Variants in DCP1B observed in about 807,000 individuals in gnomAD.
The protein encoded by DCP1B is decapping mRNA 1B, also known as mRNA-decapping enzyme 1B.
Under a neutral mutation model 60.5 loss-of-function variants are expected in DCP1B, and 47 were observed. The observed-to-expected ratio is 0.78, with a 90% confidence interval of 0.61 to 0.99. The LOEUF (loss-of-function observed/expected upper bound fraction) is 0.99, where lower values mean the gene tolerates loss of function less well. Ranked by LOEUF, DCP1B falls within the 50% of genes least tolerant of loss-of-function variation. The pLI is 0.00. For missense variants in DCP1B, 725 were observed against 756.8 expected, an observed-to-expected ratio of 0.96 and a Z score of 0.49; for synonymous variants, 267 against 280.3, an observed-to-expected ratio of 0.95 and a Z score of 0.47.
At position 1,948,971 on chromosome 12, in the gene DCP1B, C is replaced by T. The variant is rs1323049456; in HGVS notation, c.1773+115G>A. ...TGGGGTCAGGATGAGTTGTTACACACACCTGTTATTCTCACGGAAGCTAAG... is the reference window on the plus strand; with the variant it reads ...TGGGGTCAGGATGAGTTGTTACACATACCTGTTATTCTCACGGAAGCTAAG... On this transcript the variant is annotated intron_variant, in intron 8 of 8. Coordinates refer to ENST00000280665, the MANE Select transcript of DCP1B (RefSeq NM_152640.5). This position sits in a 1 kb window ranked among gnomAD's most constrained non-coding sequence, Gnocchi z 4.8. 11 of 1,377,274 alleles carry T rather than the reference C, an allele frequency of 8.0e-6. No individual in the cohort carries two copies. The highest frequency in any genetic ancestry group is 2.9e-5 in the African/African-American group (2 of 69,452). 85.3% of individuals were successfully genotyped at this position (1,377,274 alleles called of 1,614,324 possible).
At chr12:1,944,715 A>G (rs1173974934), downstream of DCP1B, among the ~76,000 whole-genome samples, 2 of 152,236 alleles carry the variant, frequency 1.3e-5, no homozygotes, top group African/African-American at 2.4e-5. Flanking sequence ...TGGTGTTGGG[A>G]AAACTGGCTA....
chr12:1,994,152 T>C (rs1485986157), intron 2 of DCP1B, among the ~76,000 whole-genome samples: 1 of 152,218 alleles, frequency 6.6e-6, no homozygotes, highest in East Asian at 1.9e-4. Context: ...AACAACTACA[T>C]GTGCATTCAT....
chr12:1,995,649 G>A (rs2040619273), intron 2 of DCP1B, among the ~76,000 whole-genome samples: 1 of 152,172 alleles, frequency 6.6e-6, no homozygotes, highest in African/African-American at 2.4e-5. Context: ...CTCCTGCCCA[G>A]CATACACAGA....
At chr12:2,002,518 T>C (rs2042403840) in intron 1 of DCP1B, among the ~76,000 whole-genome samples, 1 of 152,240 alleles carries the variant, frequency 6.6e-6, no homozygotes, top group Non-Finnish European at 1.5e-5. Context: ...ACATCTGCTT[T>C]TTGATGAGGC....
intron 6 of DCP1B, among the ~76,000 whole-genome samples, chr12:1,953,662 A>G (rs1451724502): frequency 1.3e-5 from 2 of 152,236 alleles, no homozygotes; most frequent in Non-Finnish European, 2.9e-5. Context: ...TAATATGAGA[A>G]TACAAAGGAA....
intron 2 of DCP1B, among the ~76,000 whole-genome samples, chr12:1,996,656 C>CAAAA (rs1349356918): frequency 1.8e-5 from 1 of 54,606 alleles, no homozygotes; most frequent in Admixed American, 2.5e-4. Flanking sequence ...AAAAAAAAAA[C>CAAAA]AACAAACTCT....
At chr12:1,965,950 A>C in intron 4 of DCP1B, 1 of 393,380 alleles carries the variant, frequency 2.5e-6, no homozygotes, top group Non-Finnish European at 4.5e-6. Flanking sequence ...AGAAAGTCAC[A>C]AACACAGCCA....
chr12:1,946,207 C>A lies in DCP1B; in HGVS notation c.1853G>T (p.Ter618LeuextTer23). Residue 618 changes from the stop codon to leucine, a stop_lost, in exon 9 of 9, where the codon TGA becomes TTA. Coordinates refer to ENST00000280665, the MANE Select transcript of DCP1B (RefSeq NM_152640.5). ...AATCAGTTTTAAAAGGCCTTGCTGTCACATAGTCTTTTTCATGGCTGCTTG... is the reference window on the plus strand; with the variant it reads ...AATCAGTTTTAAAAGGCCTTGCTGTAACATAGTCTTTTTCATGGCTGCTTG... Reference protein sequence around the residue: ...MTQAAMKKTM* With the variant: ...MTQAAMKKTML 1 of 1,594,460 alleles carries A rather than the reference C, an allele frequency of 6.3e-7. No homozygotes were observed. The highest frequency in any genetic ancestry group is 1.2e-5 in the South Asian group (1 of 85,990).
chr12:1,993,814 C>G (rs918640573), intron 2 of DCP1B, among the ~76,000 whole-genome samples: 3 of 151,960 alleles, frequency 2.0e-5, no homozygotes, highest in African/African-American at 4.8e-5. Flanking sequence ...TTAGAGTGTA[C>G]ATCACAATTA....
At chr12:1,965,745 C>T in intron 4 of DCP1B, 52 bp from the exon 5 acceptor site, 1 of 1,570,462 alleles carries the variant, frequency 6.4e-7, no homozygotes, top group Non-Finnish European at 8.6e-7. Flanking sequence ...TCAACACAAA[C>T]AATGTTTAAA....
chr12:1,965,599 T>C lies in DCP1B; in HGVS notation c.481A>G (p.Ile161Val), dbSNP rs2031266875. The C allele has an allele frequency of 1.9e-6, 3 of 1,613,582 alleles. No homozygotes were observed. The highest frequency in any genetic ancestry group is 1.6e-4 in the Middle Eastern group (1 of 6,084). Residue 161 changes from isoleucine (I) to valine (V), a missense_variant, in exon 5 of 9, where the codon ATT becomes GTT. Transcript: ENST00000280665. ...TTGGCCTTGATGAGCATTCGTAAAA[T>C]GTCTACTTCTTTGCCCTCTCCTGAA... ...LNSGEGKEVD[I>V]LRMLIKAKDE...
chr12:1,967,791 A>T, intron 4 of DCP1B, 53 bp downstream of exon 4: 8 of 1,494,386 alleles, frequency 5.4e-6, no homozygotes, highest in Non-Finnish European at 7.4e-6. Context: ...CACACTTAGA[A>T]ATACAAACAA....
chr12:2,004,119 C>T, intron 1 of DCP1B, 163 bp downstream of exon 1: 1 of 1,001,280 alleles, frequency 1.0e-6, no homozygotes, highest in Non-Finnish European at 1.4e-6. Flanking sequence ...TCCCCCAAAC[C>T]CCCGAGACCC....
chr12:2,000,489 A>G (rs1270546512), intron 1 of DCP1B, among the ~76,000 whole-genome samples: 1 of 152,108 alleles, frequency 6.6e-6, no homozygotes, highest in Non-Finnish European at 1.5e-5. Context: ...AAAACCTTTA[A>G]TGCCACATTT....
Position 1,978,587 on chromosome 12 carries a change from T to C in DCP1B, c.320-10677A>G, listed in dbSNP as rs78468142. The stretch of plus-strand genomic sequence containing the variant: ...ACAGATCTTAAAGTGTTCTGCTCAG[T>C]GAGTTGGCAATAAAACACTCTTATG... On this transcript the variant is annotated intron_variant, in intron 3 of 8. Coordinates refer to ENST00000280665, the MANE Select transcript of DCP1B (RefSeq NM_152640.5). 2.6e-4 allele frequency among the ~76,000 whole-genome samples: 40 copies of C among 152,344 alleles called. No individual in the cohort carries two copies. In the East Asian group the frequency reaches 6.7e-3, roughly 26 times the overall value.
At chr12:1,979,666 A>ATAT (rs2035552187) in intron 3 of DCP1B, among the ~76,000 whole-genome samples, 1 of 152,246 alleles carries the variant, frequency 6.6e-6, no homozygotes, top group Admixed American at 6.5e-5. Context: ...TACGCTAGTT[A>ATAT]TATGTTTAAG....
chr12:1,968,221 G>A (rs1329972194), intron 3 of DCP1B, among the ~76,000 whole-genome samples: 2 of 151,826 alleles, frequency 1.3e-5, no homozygotes, highest in Non-Finnish European at 2.9e-5. Flanking sequence ...GCCTGGTGGC[G>A]GGCGTCCATA....
intron 3 of DCP1B, among the ~76,000 whole-genome samples, chr12:1,972,606 C>A (rs2032804214): frequency 6.6e-6 from 1 of 152,166 alleles, no homozygotes; most frequent in African/African-American, 2.4e-5. Flanking sequence ...AATAAGCTAG[C>A]CAAAGTCATT....
intron 1 of DCP1B, among the ~76,000 whole-genome samples, chr12:1,999,961 T>C (rs1258848938): frequency 6.6e-6 from 1 of 152,210 alleles, no homozygotes; most frequent in Non-Finnish European, 1.5e-5. Context: ...AAACATTACT[T>C]ATCTTTCTTT....
Sources: gnomAD v4.1 joint callset for allele counts (sites outside exome capture counted in the v4.1 genomes callset) on GRCh38, gnomAD v4.1.1 for gene constraint, Gnocchi (gnomAD v3.1) non-coding constraint, MANE v1.5 for transcripts, NCBI Gene and HGNC (gene_info 2026-07-23, HGNC 2026-07-21) for gene names.